Variants in CDC42BPA observed in about 807,000 individuals in gnomAD.
The protein encoded by CDC42BPA is CDC42 binding protein kinase alpha, also known as serine/threonine-protein kinase MRCK alpha.
In CDC42BPA, 80 loss-of-function variants were observed where a neutral mutation model predicts 223.5. The ratio of observed to expected loss-of-function variants is 0.36; its 90% CI spans 0.30 to 0.43. CDC42BPA has a LOEUF of 0.43. Among genes scored for constraint, CDC42BPA ranks in the 20% least tolerant of loss-of-function variants. The pLI is 1.00. For synonymous variants in CDC42BPA, 694 were observed against 718.6 expected (o/e 0.97, Z 0.55); for missense variants, 1,743 against 2,099.9 (o/e 0.83, Z 3.32).
At chr1:227,258,192 A>G (rs1050689489) in intron 1 of CDC42BPA, among the ~76,000 whole-genome samples, 1 of 150,008 alleles carries the variant, frequency 6.7e-6, no homozygotes, top group Non-Finnish European at 1.5e-5. Context: ...AAAAAAAAAA[A>G]AAGAACTGAA....
At chr1:227,125,494 G>A (rs1390741854) in intron 11 of CDC42BPA, among the ~76,000 whole-genome samples, 2 of 151,546 alleles carry the variant, frequency 1.3e-5, no homozygotes, top group South Asian at 2.1e-4. Context: ...CTACTCAGGA[G>A]GATGAGGCAC....
chr1:227,089,190 T>C (rs547171451), intron 16 of CDC42BPA, among the ~76,000 whole-genome samples: 1 of 152,238 alleles, frequency 6.6e-6, no homozygotes, highest in Non-Finnish European at 1.5e-5. Context: ...TTCTGACTTC[T>C]AGATCTGTAA....
intron 23 of CDC42BPA, among the ~76,000 whole-genome samples, chr1:227,045,733 ACTT>A (rs1218272872): frequency 6.6e-6 from 1 of 151,944 alleles, no homozygotes; most frequent in Non-Finnish European, 1.5e-5. Context: ...TTAACTTGAG[ACTT>A]CTTGTTCTCA....
chr1:227,198,763 T>TGC (rs1558739782), intron 4 of CDC42BPA, among the ~76,000 whole-genome samples: 4 of 151,802 alleles, frequency 2.6e-5, no homozygotes, highest in African/African-American at 9.7e-5. Flanking sequence ...AAATGTGTTT[T>TGC]TTTTTTTTTG....
intron 14 of CDC42BPA, among the ~76,000 whole-genome samples, chr1:227,102,274 C>T (rs759056506): frequency 9.2e-5 from 14 of 152,086 alleles, no homozygotes; most frequent in Admixed American, 7.9e-4. Context: ...ATAGCCCTGG[C>T]GTGTCCACTG....
intron 27 of CDC42BPA, 65 bp from the exon 28 acceptor site, chr1:227,031,579 TTA>T: frequency 6.1e-6 from 8 of 1,318,224 alleles, no homozygotes; most frequent in South Asian, 1.3e-5. Flanking sequence ...AGTTTCATGA[TTA>T]TGTTAGTTTG....
At chr1:227,270,886 G>C (rs2148464412) in intron 1 of CDC42BPA, among the ~76,000 whole-genome samples, 1 of 152,324 alleles carries the variant, frequency 6.6e-6, no homozygotes, top group Middle Eastern at 3.4e-3. Context: ...GTTCAGTGAT[G>C]TTGCACAGCA....
chr1:227,288,351 G>A (rs994917906), intron 1 of CDC42BPA, among the ~76,000 whole-genome samples: 4 of 152,014 alleles, frequency 2.6e-5, no homozygotes, highest in Admixed American at 6.6e-5. Context: ...CTCCAGCCTG[G>A]GCAACAGAGG....
intron 15 of CDC42BPA, among the ~76,000 whole-genome samples, chr1:227,095,412 T>C (rs1683795463): frequency 6.6e-6 from 1 of 151,732 alleles, no homozygotes; most frequent in South Asian, 2.1e-4. Flanking sequence ...GTTCTATCAA[T>C]ACTTTCAGCC....
At position 227,041,452 on chromosome 1, in the gene CDC42BPA, T is replaced by C. The variant is rs1196841021; in HGVS notation, c.3094-1216A>G. On this transcript the variant is annotated intron_variant, in intron 23 of 36. Coordinates refer to ENST00000366766, the MANE Select transcript of CDC42BPA (RefSeq NM_001394014.1). ...CTCTACTCCATATTCTAATAAATTA[T>C]GAATACTGATTTTAAAAGGTTATCA... is the stretch of plus-strand genomic sequence containing the variant. 3.3e-5 allele frequency among the ~76,000 whole-genome samples: 5 copies of C among 152,300 alleles called. No individual in the cohort carries two copies. In the East Asian group the frequency reaches 5.8e-4, roughly 18 times the overall value.
At chr1:227,185,578 C>T (rs889933039) in intron 5 of CDC42BPA, among the ~76,000 whole-genome samples, 1 of 152,196 alleles carries the variant, frequency 6.6e-6, no homozygotes, top group Admixed American at 6.5e-5. Context: ...ACACTGCCTC[C>T]TCCAGCCTTC....
At chr1:227,077,746 T>C (rs1469754808) in intron 17 of CDC42BPA, among the ~76,000 whole-genome samples, 1 of 152,156 alleles carries the variant, frequency 6.6e-6, no homozygotes, top group Non-Finnish European at 1.5e-5. Flanking sequence ...AAATTGATTG[T>C]ATCATCTTCC....
chr1:227,223,071 G>A lies in CDC42BPA; in HGVS notation c.271-9852C>T, dbSNP rs377082316. On this transcript the variant is annotated intron_variant, in intron 2 of 36. Transcript: ENST00000366766. ...TAAAAAGTAAAGAAGAGAGATCCTTGACCCCAAAGTGGGAGTAGAGGAGGA... is the reference window on the plus strand; with the variant it reads ...TAAAAAGTAAAGAAGAGAGATCCTTAACCCCAAAGTGGGAGTAGAGGAGGA... Among the ~76,000 whole-genome samples the A allele has an allele frequency of 3.9e-5, 6 of 152,334 alleles. No individual in the cohort carries two copies. The East Asian group carries it at 1.2e-3, about 29-fold the overall frequency.
chr1:227,065,865 T>C (rs1027519750), intron 21 of CDC42BPA, among the ~76,000 whole-genome samples: 4 of 152,204 alleles, frequency 2.6e-5, no homozygotes, highest in Admixed American at 2.0e-4. Context: ...CCTGCAATTC[T>C]AGTCAATACT....
chr1:227,158,060 C>T (rs780497126), intron 6 of CDC42BPA, among the ~76,000 whole-genome samples: 18 of 151,550 alleles, frequency 1.2e-4, no homozygotes, highest in Non-Finnish European at 2.4e-4. Flanking sequence ...TGGGTTCAAG[C>T]GATTCTCCTG....
intron 3 of CDC42BPA, among the ~76,000 whole-genome samples, chr1:227,201,694 C>G (rs1671789100): frequency 6.6e-6 from 1 of 151,250 alleles, no homozygotes; most frequent in Non-Finnish European, 1.5e-5. Context: ...CACACACACA[C>G]AGATTATATA....
chr1:227,214,443 TG>T (rs749526127), intron 2 of CDC42BPA, among the ~76,000 whole-genome samples: 4 of 152,160 alleles, frequency 2.6e-5, no homozygotes, highest in Non-Finnish European at 5.9e-5. Context: ...ACAATTAAAT[TG>T]TTCTCCCAAT....
rs778066306 is a variant in CDC42BPA, at chr1:227,147,541, C to T, written c.712G>A (p.Val238Ile). The change falls in exon 7 of 37, where the codon GTA becomes ATA. Residue 238 changes from valine to isoleucine, a missense_variant. Transcript: ENST00000366766. ...GGAGAGATATAATCTGGAGTTCCTA[C>T]AGCCACTGAGGACTGAACCTGAAGA... ...EDGTVQSSVA[V>I]GTPDYISPEI... 14 of 1,606,392 alleles carry T rather than the reference C, an allele frequency of 8.7e-6. No homozygotes were observed. Among genetic ancestry groups the T allele is most frequent in the African/African-American group, 6.7e-5 (5 of 74,812 alleles).
chr1:227,159,442 C>T (rs992426235), intron 6 of CDC42BPA, among the ~76,000 whole-genome samples: 2 of 151,752 alleles, frequency 1.3e-5, no homozygotes, highest in South Asian at 4.2e-4. Flanking sequence ...GCTAAGATGG[C>T]GCCTCTGCAC....
Sources: allele counts gnomAD v4.1 joint callset (sites outside exome capture counted in the v4.1 genomes callset), GRCh38; gene constraint gnomAD v4.1.1; transcripts MANE v1.5; gene names NCBI Gene and HGNC (gene_info 2026-07-23, HGNC 2026-07-21).